SI: variants seen among roughly 807,000 people sequenced by gnomAD.
SI encodes the protein sucrase-isomaltase, also known as sucrase-isomaltase, intestinal.
A neutral mutation model predicts 253.3 loss-of-function variants in SI; 235 were observed. That is an observed-to-expected ratio of 0.93 (90% CI 0.83 to 1.03). The LOEUF is 1.03. Among genes scored for constraint, SI ranks in the 50% least tolerant of loss-of-function variants. The pLI is 0.00. For missense variants in SI, 2,442 were observed against 2,211.1 expected (o/e 1.10, Z -2.09); for synonymous variants, 819 against 712.0 (o/e 1.15, Z -2.39).
chr3:165,040,294 G>A (rs1289804573), intron 18 of SI, among the ~76,000 whole-genome samples: 5 of 140,114 alleles, frequency 3.6e-5, no homozygotes, highest in African/African-American at 7.7e-5. Context: ...AAGGGGTAGG[G>A]AAGGGAAGAA....
At chr3:165,000,932 T>G (rs1718230063) in intron 37 of SI, among the ~76,000 whole-genome samples, 1 of 151,288 alleles carries the variant, frequency 6.6e-6, no homozygotes, top group South Asian at 2.1e-4. Flanking sequence ...TTGAAATATA[T>G]TTTAAAAATT....
At chr3:165,050,421 C>T (rs1432939885) in intron 13 of SI, among the ~76,000 whole-genome samples, 1 of 152,036 alleles carries the variant, frequency 6.6e-6, no homozygotes, top group Admixed American at 6.6e-5. Context: ...CCCAGGTGAG[C>T]ATGATCACAC....
intron 7 of SI, among the ~76,000 whole-genome samples, chr3:165,063,815 C>A (rs1052367633): frequency 6.7e-6 from 1 of 150,330 alleles, no homozygotes; most frequent in Non-Finnish European, 1.5e-5. Flanking sequence ...ATTTTAATTA[C>A]ATTAATTTTA....
the SI span, among the ~76,000 whole-genome samples, chr3:165,089,154 T>C: frequency 6.6e-6 from 1 of 151,794 alleles, no homozygotes. Context: ...GTCTTTAGTT[T>C]TCATATTGGC....
intron 41 of SI, among the ~76,000 whole-genome samples, chr3:164,994,005 C>T (rs1717897472): frequency 6.6e-6 from 1 of 151,700 alleles, no homozygotes; most frequent in Non-Finnish European, 1.5e-5. Context: ...ACCTTGTATA[C>T]AGTAATTATT....
chr3:165,015,208 G>A lies in SI; in HGVS notation c.3914C>T (p.Thr1305Ile), dbSNP rs371426683. The A allele has an allele frequency of 1.1e-4, 177 of 1,612,970 alleles. No homozygotes were observed. Among genetic ancestry groups the A allele is most frequent in the Non-Finnish European group, 1.4e-4 (170 of 1,179,366 alleles). The change falls in exon 33 of 48, where the codon ACA (threonine) becomes ATA (isoleucine). Residue 1305 changes from threonine (T) to isoleucine (I), a missense_variant. Physicochemically the swap from Thr to Ile is moderately conservative, Grantham distance 89. Coordinates refer to ENST00000264382, the MANE Select transcript of SI (RefSeq NM_001041.4). ...TCTTTCAAATGCAGGGTAAGTCTTT[G>A]TTTCATTTCCTGAAATTGCTGGATC... The part of the protein sequence containing the change: ...ILDPAISGNE[T>I]KTYPAFERGQ...
At chr3:164,990,926 G>T (rs1333399944) in intron 44 of SI, among the ~76,000 whole-genome samples, 1 of 151,982 alleles carries the variant, frequency 6.6e-6, no homozygotes, top group Non-Finnish European at 1.5e-5. Flanking sequence ...GCATTGGACG[G>T]CAGGGTTTCT....
rs776979788 is a variant in SI at position 164,996,531 on chromosome 3, A to G, written c.4692+4T>C. Reference sequence around the variant, plus strand: ...TACTGAAAGTAAATGTAGTAATTACATACTCTAGTATTTGCAATGTTGTGA... The same window carrying G: ...TACTGAAAGTAAATGTAGTAATTACGTACTCTAGTATTTGCAATGTTGTGA... On this transcript the variant is annotated splice_donor_region_variant and intron_variant, in intron 40 of 47. Transcript: ENST00000264382. 120 of 1,383,012 alleles carry G rather than the reference A, an allele frequency of 8.7e-5. No homozygotes were observed. Among genetic ancestry groups the G allele is most frequent in the Non-Finnish European group, 1.2e-4 (114 of 970,072 alleles). The allele number at this position is 1,383,012 out of a possible 1,614,324, so 85.7% of individuals were successfully genotyped here.
intron 37 of SI, among the ~76,000 whole-genome samples, chr3:165,006,505 A>C (rs915906197): frequency 1.3e-5 from 2 of 152,178 alleles, no homozygotes; most frequent in African/African-American, 2.4e-5. Flanking sequence ...TATAAATATT[A>C]ATCCAATATT....
At chr3:165,022,876 C>T (rs1033528534) in intron 26 of SI, among the ~76,000 whole-genome samples, 8 of 151,454 alleles carry the variant, frequency 5.3e-5, no homozygotes, top group Non-Finnish European at 7.4e-5. Context: ...TTTAAAATAT[C>T]GTTTACTCTT....
chr3:165,026,407 TAG>T (rs1711923349), intron 25 of SI, among the ~76,000 whole-genome samples: 1 of 151,198 alleles, frequency 6.6e-6, no homozygotes, highest in Non-Finnish European at 1.5e-5. Flanking sequence ...ACTCCACTGA[TAG>T]TACTAGACAG....
chr3:165,088,083 C>T, the SI span, among the ~76,000 whole-genome samples: 1 of 152,170 alleles, frequency 6.6e-6, no homozygotes. Context: ...CAGTGGTTCA[C>T]ACCTGTAATC....
intron 15 of SI, among the ~76,000 whole-genome samples, chr3:165,047,818 G>C (rs1713202211): frequency 7.0e-6 from 1 of 143,730 alleles, no homozygotes; most frequent in African/African-American, 2.6e-5. Context: ...GGCAAGGTTG[G>C]GATAAAACTT....
chr3:165,072,333 G>A (rs1358599769), intron 3 of SI, among the ~76,000 whole-genome samples: 2 of 151,536 alleles, frequency 1.3e-5, no homozygotes, highest in African/African-American at 2.4e-5. Flanking sequence ...TTAAGATGGT[G>A]GAAAATTAAC....
Position 165,017,800 on chromosome 3 carries a change from CA to C in SI, c.3593del (p.Leu1198TrpfsTer15). On this transcript the variant is annotated frameshift_variant, in exon 30 of 48. Transcript: ENST00000264382. LOFTEE classifies it high-confidence loss of function. ...VGGILDFYMF[L>X]GPTPEVATKQ... ...TTGTTGCAACTTCTGGAGTTGGGCC[CA>C]AAAACATATAAAAATCCAAGATCCC... is the stretch of plus-strand genomic sequence containing the variant. 6.2e-7 allele frequency: 1 copy of C among 1,612,926 alleles called. No individual in the cohort carries two copies. The highest frequency in any genetic ancestry group is 8.5e-7 in the Non-Finnish European group (1 of 1,179,308).
chr3:164,995,462 A>G (rs1717967326), intron 40 of SI, among the ~76,000 whole-genome samples: 1 of 151,820 alleles, frequency 6.6e-6, no homozygotes. Flanking sequence ...AATTCGAGTA[A>G]TACATTTCAA....
At position 165,032,522 on chromosome 3, in the gene SI, C is replaced by A; in HGVS notation, c.2736G>T (p.Gln912His). 6.3e-7 allele frequency: 1 copy of A among 1,591,304 alleles called. No homozygotes were observed. Among genetic ancestry groups the A allele is most frequent in the Non-Finnish European group, 8.6e-7 (1 of 1,162,118 alleles). ...HSNFTYDASN[Q>H]VLLIADLKLN... is the part of the protein sequence containing the mutation. ...AAATATTTTAAAAGATTGTAATTAC[C>A]TGGTTAGAAGCATCATAAGTGAAAT... Residue 912 changes from glutamine (Q) to histidine (H), a missense_variant and splice_region_variant, in exon 24 of 48, where the codon CAG becomes CAT. By Grantham distance (24) the Gln-to-His change is conservative. Coordinates refer to ENST00000264382, the MANE Select transcript of SI (RefSeq NM_001041.4).
rs561783106 is a variant in SI, at chr3:165,052,444, C to T, written c.1513-2569G>A. ...GCCAAGGCGGGTGGATCATTTGAGT[C>T]CAGGAGTTCCAGACCAGCCTGGCCA... On this transcript the variant is annotated intron_variant, in intron 13 of 47. Transcript: ENST00000264382. Among the ~76,000 whole-genome samples, 15 of 152,084 alleles carry T rather than the reference C, an allele frequency of 9.9e-5. No individual in the cohort carries two copies. In the East Asian group the frequency reaches 2.9e-3, roughly 29 times the overall value.
At chr3:165,054,632 T>C (rs1576912677) in intron 13 of SI, among the ~76,000 whole-genome samples, 1 of 152,078 alleles carries the variant, frequency 6.6e-6, no homozygotes, top group Non-Finnish European at 1.5e-5. Flanking sequence ...TGGGATTACA[T>C]GCATGAGCCA....
Sources: gnomAD v4.1 joint callset for allele counts (sites outside exome capture counted in the v4.1 genomes callset) on GRCh38, gnomAD v4.1.1 for gene constraint, MANE v1.5 for transcripts, NCBI Gene and HGNC (gene_info 2026-07-23, HGNC 2026-07-21) for gene names.